Variants in NSMAF observed in about 807,000 individuals in gnomAD.
NSMAF encodes the protein protein FAN.
Under a neutral mutation model 134.9 loss-of-function variants are expected in NSMAF, and 90 were observed. That is an observed-to-expected ratio of 0.67 (90% CI 0.56 to 0.79). The LOEUF (loss-of-function observed/expected upper bound fraction) is 0.79, where lower values mean the gene tolerates loss of function less well. Among genes scored for constraint, NSMAF ranks in the 30% least tolerant of loss-of-function variants. The probability of loss-of-function intolerance (pLI) is 0.00; values close to 1 mark genes in which losing one functional copy is unlikely to be tolerated. For missense variants in NSMAF, 1,010 were observed against 1,119.0 expected (o/e 0.90, Z 1.39); for synonymous variants, 358 against 389.6 (o/e 0.92, Z 0.96).
chr8:58,585,278 C>T (rs1364952975), intron 30 of NSMAF, among the ~76,000 whole-genome samples: 1 of 150,780 alleles, frequency 6.6e-6, no homozygotes, highest in African/African-American at 2.5e-5. Context: ...TAGAAAGAAG[C>T]CTTAATTTTC....
intron 9 of NSMAF, among the ~76,000 whole-genome samples, chr8:58,611,450 T>C (rs1004832768): frequency 2.0e-5 from 3 of 152,096 alleles, no homozygotes; most frequent in African/African-American, 4.8e-5. Flanking sequence ...TGAGGATCAC[T>C]TGAGCCCGGG....
chr8:58,654,016 T>G (rs114473428), intron 1 of NSMAF, among the ~76,000 whole-genome samples: 2,106 of 152,210 alleles, frequency 0.014, 54 homozygotes, highest in African/African-American at 0.049. Context: ...TTATTTCCTC[T>G]CCCGCTGTTT....
At chr8:58,641,300 G>A (rs1008625325) in intron 2 of NSMAF, among the ~76,000 whole-genome samples, 1 of 152,168 alleles carries the variant, frequency 6.6e-6, no homozygotes, top group African/African-American at 2.4e-5. Flanking sequence ...AAGATAAAGT[G>A]TAGTAAAAAT....
chr8:58,622,202 A>G (rs746401566), intron 9 of NSMAF, among the ~76,000 whole-genome samples: 4 of 152,146 alleles, frequency 2.6e-5, no homozygotes, highest in Non-Finnish European at 4.4e-5. Flanking sequence ...CGGGCAGGTG[A>G]TATGATCAAA....
At chr8:58,620,808 A>G (rs1003304378) in intron 9 of NSMAF, among the ~76,000 whole-genome samples, 3 of 152,200 alleles carry the variant, frequency 2.0e-5, no homozygotes, top group African/African-American at 7.2e-5. Context: ...TAGACCGAGG[A>G]GAGCTAATGG....
intron 9 of NSMAF, among the ~76,000 whole-genome samples, chr8:58,611,052 A>G (rs1363433955): frequency 2.0e-5 from 3 of 152,170 alleles, no homozygotes; most frequent in African/African-American, 7.2e-5. Flanking sequence ...GGTAAATATT[A>G]TTTAGTTCGG....
At chr8:58,623,904 C>A in intron 6 of NSMAF, 124 bp from the exon 7 acceptor site, 1 of 695,838 alleles carries the variant, frequency 1.4e-6, no homozygotes, top group Non-Finnish European at 2.5e-6. Flanking sequence ...AGTGTAACTT[C>A]CCCACTGGAA....
At chr8:58,613,644 T>C (rs1806584585) in intron 9 of NSMAF, among the ~76,000 whole-genome samples, 2 of 152,172 alleles carry the variant, frequency 1.3e-5, no homozygotes, top group Non-Finnish European at 2.9e-5. Flanking sequence ...ACACTGTATA[T>C]AATAGTGGTC....
chr8:58,626,575 G>C (rs1223907211), intron 6 of NSMAF, among the ~76,000 whole-genome samples: 1 of 152,100 alleles, frequency 6.6e-6, no homozygotes, highest in Non-Finnish European at 1.5e-5. Flanking sequence ...AGTATTCCAT[G>C]GTGTATATAT....
At chr8:58,587,264 G>C (rs1421135349) in intron 27 of NSMAF, among the ~76,000 whole-genome samples, 4 of 152,176 alleles carry the variant, frequency 2.6e-5, no homozygotes, top group African/African-American at 9.7e-5. Context: ...TTCCCTTCCA[G>C]CTTCTGGATC....
intron 19 of NSMAF, 72 bp downstream of exon 19, chr8:58,599,160 A>G (rs1643939931): frequency 6.8e-7 from 1 of 1,466,524 alleles, no homozygotes; most frequent in Non-Finnish European, 9.3e-7. Context: ...GTTTGCTTTC[A>G]TTTTCCAATG....
intron 9 of NSMAF, among the ~76,000 whole-genome samples, chr8:58,620,103 A>G (rs993193622): frequency 2.0e-5 from 3 of 152,222 alleles, no homozygotes; most frequent in Admixed American, 6.5e-5. Flanking sequence ...CAAAATGTAT[A>G]CTTAAGAAAA....
chr8:58,635,711 AAC>A (rs1392564947), intron 2 of NSMAF, among the ~76,000 whole-genome samples, 165 bp from the exon 3 acceptor site: 3 of 152,258 alleles, frequency 2.0e-5, no homozygotes, highest in African/African-American at 4.8e-5. Context: ...GGTAAAACAA[AAC>A]ACAGAATAGT....
At chr8:58,651,022 G>A (rs1347348363) in intron 1 of NSMAF, among the ~76,000 whole-genome samples, 1 of 152,012 alleles carries the variant, frequency 6.6e-6, no homozygotes, top group Non-Finnish European at 1.5e-5. Flanking sequence ...TTTTTTCCTG[G>A]GGTTTCATGG....
At position 58,659,593 on chromosome 8, in the gene NSMAF, C is replaced by T; in HGVS notation, c.39G>A (p.Leu13=). Residue 13 remains leucine, a synonymous_variant, in exon 1 of 31, where the codon CTG becomes CTA. Coordinates refer to ENST00000038176, the MANE Select transcript of NSMAF (RefSeq NM_003580.4). The part of the protein sequence containing the change: ...FIRKKQQEQQ[L]QLYSKERFSL... ...CGCACCTCTCCTTGGAGTAGAGCTGCAGCTGCTGCTCCTGCTGCTTCTTCC... is the reference window on the plus strand; with the variant it reads ...CGCACCTCTCCTTGGAGTAGAGCTGTAGCTGCTGCTCCTGCTGCTTCTTCC... 4.0e-6 allele frequency: 6 copies of T among 1,505,220 alleles called. No homozygotes were observed. Among genetic ancestry groups the T allele is most frequent in the Non-Finnish European group, 5.3e-6 (6 of 1,129,414 alleles). The allele number at this position is 1,505,220 out of a possible 1,614,324, so 93.2% of individuals were successfully genotyped here. A position where few individuals can be genotyped will look rare whatever the true frequency, so the allele number is the denominator to read the frequency against.
chr8:58,585,890 A>C lies in NSMAF; in HGVS notation c.2549+8T>G, dbSNP rs762098102. 3 of 1,611,672 alleles carry C rather than the reference A, an allele frequency of 1.9e-6. No homozygotes were observed. The South Asian group carries it at 3.3e-5, about 18-fold the overall frequency. On this transcript the variant is annotated splice_region_variant and intron_variant, in intron 29 of 30. Coordinates refer to ENST00000038176, the MANE Select transcript of NSMAF (RefSeq NM_003580.4). ...ATGTCTTCGCCCCCAGTAACTCACAAACTATACCTCTGGGGCTCATCTGAT... is the reference window on the plus strand; with the variant it reads ...ATGTCTTCGCCCCCAGTAACTCACACACTATACCTCTGGGGCTCATCTGAT...
chr8:58,607,651 T>G (rs1767483815), intron 11 of NSMAF, 118 bp downstream of exon 11: 1 of 738,094 alleles, frequency 1.4e-6, no homozygotes, highest in Admixed American at 2.2e-5. Context: ...GAGTCTATTT[T>G]CTTACAGGAC....
intron 3 of NSMAF, 36 bp downstream of exon 3, chr8:58,635,432 T>A (rs776450250): frequency 1.1e-4 from 177 of 1,569,806 alleles, no homozygotes; most frequent in Non-Finnish European, 1.2e-4. Flanking sequence ...ACACAAAAAA[T>A]AGGAATGTTT....
At chr8:58,603,168 C>T in intron 13 of NSMAF, 42 bp downstream of exon 13, 2 of 1,563,446 alleles carry the variant, frequency 1.3e-6, no homozygotes, top group Non-Finnish European at 8.8e-7. Flanking sequence ...CAGATGACTA[C>T]TCCCCACTCA....
Sources: gnomAD v4.1 joint callset for allele counts (sites outside exome capture counted in the v4.1 genomes callset) on GRCh38, gnomAD v4.1.1 for gene constraint, MANE v1.5 for transcripts, NCBI Gene and HGNC (gene_info 2026-07-23, HGNC 2026-07-21) for gene names.